Variants in ZNF469 observed in about 807,000 individuals in gnomAD.
The protein encoded by ZNF469 is zinc finger protein 469.
Under a neutral mutation model 1.0 loss-of-function variants are expected in ZNF469, and 1 was observed. The ratio of observed to expected loss-of-function variants is 1.00; its 90% CI spans 0.35 to 4.73. The LOEUF (loss-of-function observed/expected upper bound fraction) is 4.73. Among genes scored for constraint, ZNF469 ranks in the 30% most tolerant of loss-of-function variants. The probability of loss-of-function intolerance (pLI) is 0.16; values close to 1 mark genes in which losing one functional copy is unlikely to be tolerated. For synonymous variants in ZNF469, 2,703 were observed against 2,363.4 expected, an observed-to-expected ratio of 1.14 and a Z score of -4.17; for missense variants, 6,100 against 5,356.3, an observed-to-expected ratio of 1.14 and a Z score of -4.33.
chr16:88,193,045 GTGA>G, the ZNF469 span, among the ~76,000 whole-genome samples: 15 of 57,084 alleles, frequency 2.6e-4, 1 homozygote, highest in Admixed American at 1.0e-3. Context: ...GATGGTGGTG[GTGA>G]TGATGGTGAT....
At chr16:88,206,090 C>A in the ZNF469 span, among the ~76,000 whole-genome samples, 37 of 152,258 alleles carry the variant, frequency 2.4e-4, no homozygotes, top group Middle Eastern at 3.4e-3. Flanking sequence ...CTGTGCTGAC[C>A]CCCCGTGTTT....
the ZNF469 span, among the ~76,000 whole-genome samples, chr16:88,299,279 C>G: frequency 6.9e-6 from 1 of 143,918 alleles, no homozygotes; most frequent in Non-Finnish European, 1.5e-5. Flanking sequence ...CAGCTTGCAG[C>G]AGGCGAGGGC....
At position 88,433,694 on chromosome 16, in the gene ZNF469, G is replaced by A. The variant is rs775748814; in HGVS notation, c.6224G>A (p.Ser2075Asn). Residue 2075 changes from serine (S) to asparagine (N), a missense_variant, in exon 3 of 3, where the codon AGC becomes AAC. By Grantham distance (46) the Ser-to-Asn change is conservative. Coordinates refer to ENST00000565624, the MANE Select transcript of ZNF469 (RefSeq NM_001367624.2). ...GCGCTGGCCTTGACAGCAGCCCACA[G>A]CCGAAGTGGATCTGAGGGCCGGACT... ...SLALALTAAH[S>N]RSGSEGRTPE... 1 of 1,549,454 alleles carries A rather than the reference G, an allele frequency of 6.5e-7. No homozygotes were observed. Among genetic ancestry groups the A allele is most frequent in the Non-Finnish European group, 8.7e-7 (1 of 1,146,714 alleles).
chr16:88,334,034 A>T, the ZNF469 span, among the ~76,000 whole-genome samples: 1 of 133,582 alleles, frequency 7.5e-6, no homozygotes, highest in African/African-American at 2.8e-5. Flanking sequence ...CTGTGTGTGC[A>T]TGTGTGTCTC....
At chr16:88,293,612 G>T in the ZNF469 span, among the ~76,000 whole-genome samples, 1 of 152,294 alleles carries the variant, frequency 6.6e-6, no homozygotes, top group African/African-American at 2.4e-5. Context: ...CCCACCTGAA[G>T]GGGTCTGTAC....
the ZNF469 span, among the ~76,000 whole-genome samples, chr16:88,106,653 C>T: frequency 6.6e-6 from 1 of 152,242 alleles, no homozygotes; most frequent in Admixed American, 6.5e-5. Flanking sequence ...GTTCATTTTG[C>T]ACCACGTGAG....
At chr16:88,351,554 C>G in the ZNF469 span, among the ~76,000 whole-genome samples, 1 of 152,172 alleles carries the variant, frequency 6.6e-6, no homozygotes, top group Admixed American at 6.5e-5. Context: ...GCTCCCCAGG[C>G]GGCCTGTGAT....
chr16:88,361,858 C>T, the ZNF469 span, among the ~76,000 whole-genome samples: 4 of 152,210 alleles, frequency 2.6e-5, no homozygotes, highest in Non-Finnish European at 4.4e-5. Context: ...TGTGGTTCAT[C>T]GTGACTGAGT....
the ZNF469 span, among the ~76,000 whole-genome samples, chr16:88,240,988 C>G: frequency 6.6e-6 from 1 of 152,130 alleles, no homozygotes; most frequent in Non-Finnish European, 1.5e-5. Context: ...CCCTGGCTGC[C>G]AGGAGGGCCG....
chr16:88,325,189 ACACTCCAGGTGGTCGCGACAGCAGCTGTG>A, the ZNF469 span, among the ~76,000 whole-genome samples: 134 of 111,296 alleles, frequency 1.2e-3, no homozygotes, highest in African/African-American at 5.1e-3. Flanking sequence ...CCTCACCTGC[ACACTCCAGGTGGTCGCGACAGCAGCTGTG>A]ACATACACAG....
At chr16:88,143,819 C>G in the ZNF469 span, among the ~76,000 whole-genome samples, 1 of 152,222 alleles carries the variant, frequency 6.6e-6, no homozygotes. Context: ...AGGCCATGCA[C>G]TGGCTCTGTG....
chr16:88,398,233 G>A (rs1337735943), intron 1 of ZNF469, among the ~76,000 whole-genome samples: 1 of 149,922 alleles, frequency 6.7e-6, no homozygotes, highest in African/African-American at 2.5e-5. Context: ...CTGGTCCTGT[G>A]TTCAGGCCAC....
At position 88,432,446 on chromosome 16, in the gene ZNF469, C is replaced by G. The variant is rs762538480; in HGVS notation, c.4976C>G (p.Pro1659Arg). Reference protein sequence around the residue: ...AVQGRPGGTWPCPASFHPGHA... With the variant: ...AVQGRPGGTWRCPASFHPGHA... ...CAGGGGAGGCCTGGGGGGACGTGGC[C>G]CTGCCCAGCCTCCTTCCATCCGGGA... The change falls in exon 3 of 3, where the codon CCC becomes CGC. Residue 1659 changes from proline (P) to arginine (R), a missense_variant. Pro to Arg is a moderately radical substitution (Grantham distance 103, BLOSUM62 -2). Coordinates refer to ENST00000565624, the MANE Select transcript of ZNF469 (RefSeq NM_001367624.2). The G allele has an allele frequency of 6.5e-6, 10 of 1,550,174 alleles. No homozygotes were observed. The African/African-American group carries it at 8.2e-5, about 13-fold the overall frequency.
the ZNF469 span, among the ~76,000 whole-genome samples, chr16:88,168,870 A>G: frequency 1.3e-5 from 2 of 152,208 alleles, no homozygotes; most frequent in African/African-American, 4.8e-5. The surrounding 1 kb of genome is among the most constrained non-coding windows in gnomAD (Gnocchi z 4.3). Context: ...CCAAGGCGTG[A>G]GGATCGCTTG....
chr16:88,432,138 C>G lies in ZNF469; in HGVS notation c.4668C>G (p.His1556Gln). Reference protein sequence around the residue: ...GSGCSVALMSHLSEDELEIQK... With the variant: ...GSGCSVALMSQLSEDELEIQK... ...GATGTAGCGTTGCTCTTATGAGTCA[C>G]CTGTCCGAGGATGAACTGGAGATCC... The change falls in exon 3 of 3, where the codon CAC becomes CAG. Residue 1556 changes from histidine (H) to glutamine (Q), a missense_variant. Coordinates refer to ENST00000565624, the MANE Select transcript of ZNF469 (RefSeq NM_001367624.2). The G allele has an allele frequency of 1.9e-6, 3 of 1,550,374 alleles. No homozygotes were observed. Among genetic ancestry groups the G allele is most frequent in the Non-Finnish European group, 2.6e-6 (3 of 1,146,994 alleles).
chr16:88,410,491 G>T (rs2142282590), intron 1 of ZNF469, among the ~76,000 whole-genome samples: 1 of 146,006 alleles, frequency 6.8e-6, no homozygotes, highest in East Asian at 2.1e-4. Flanking sequence ...CGTCTATGAT[G>T]CCGTTGATGG....
Position 88,436,497 on chromosome 16 carries a change from C to T in ZNF469, c.9027C>T (p.Ser3009=). The change falls in exon 3 of 3, where the codon TCC becomes TCT. Residue 3009 remains serine, a synonymous_variant. Coordinates refer to ENST00000565624, the MANE Select transcript of ZNF469 (RefSeq NM_001367624.2). ...AGATGCCGGCCCCTGCCGATGACTC[C>T]TCCTCTTCTCTCGGAGATGTGAGCC... ...GLEMPAPADD[S]SSSLGDVSPE... 3 of 1,548,274 alleles carry T rather than the reference C, an allele frequency of 1.9e-6. No individual in the cohort carries two copies. Among genetic ancestry groups the T allele is most frequent in the Non-Finnish European group, 2.6e-6 (3 of 1,146,960 alleles).
At chr16:88,149,430 C>T in the ZNF469 span, among the ~76,000 whole-genome samples, 3 of 152,292 alleles carry the variant, frequency 2.0e-5, no homozygotes, top group East Asian at 1.9e-4. Context: ...GGCCATTTGT[C>T]GGCCCCCGCC....
intron 1 of ZNF469, among the ~76,000 whole-genome samples, chr16:88,420,020 C>G (rs1199225446): frequency 2.0e-5 from 3 of 152,252 alleles, no homozygotes; most frequent in East Asian, 3.8e-4. Flanking sequence ...AGGTTCAGCT[C>G]TCAGCCATGC....
Sources: gnomAD v4.1 joint callset for allele counts (sites outside exome capture counted in the v4.1 genomes callset) on GRCh38, gnomAD v4.1.1 for gene constraint, Gnocchi (gnomAD v3.1) non-coding constraint, MANE v1.5 for transcripts, NCBI Gene and HGNC (gene_info 2026-07-23, HGNC 2026-07-21) for gene names.